The following COX7B2 variants were observed in gnomAD, a reference collection of about 807,000 sequenced individuals.
The protein encoded by COX7B2 is cytochrome c oxidase subunit 7B2, also known as cytochrome c oxidase subunit 7B2, mitochondrial.
For synonymous variants in COX7B2, 37 were observed against 32.1 expected, an observed-to-expected ratio of 1.15 and a Z score of -0.51; for missense variants, 109 against 95.9, an observed-to-expected ratio of 1.14 and a Z score of -0.57.
chr4:46,762,856 G>C (rs1033502930), intron 2 of COX7B2, among the ~76,000 whole-genome samples: 2 of 148,026 alleles, frequency 1.4e-5, no homozygotes, highest in Non-Finnish European at 3.0e-5. Context: ...TTGCAAAGCT[G>C]ACACTAGCAT....
chr4:46,805,186 C>G (rs111704498), intron 2 of COX7B2, among the ~76,000 whole-genome samples: 2 of 152,292 alleles, frequency 1.3e-5, no homozygotes, highest in African/African-American at 4.8e-5. Context: ...CACACCTCCT[C>G]GCAGGCTGAG....
intron 2 of COX7B2, among the ~76,000 whole-genome samples, chr4:46,765,872 C>A (rs1716503189): frequency 6.6e-6 from 1 of 152,150 alleles, no homozygotes; most frequent in Non-Finnish European, 1.5e-5. Context: ...CAGGCCTATC[C>A]CAGTTCCAGG....
At position 46,909,214 on chromosome 4, in the gene COX7B2, C is replaced by T. The variant is rs1054374647; in HGVS notation, c.-159G>A. The T allele has an allele frequency of 1.4e-4, 22 of 152,128 alleles. No homozygotes were observed. Among genetic ancestry groups the T allele is most frequent in the African/African-American group, 4.1e-4 (17 of 41,426 alleles). The allele number at this position is 152,128 out of a possible 1,614,324, so 9.4% of individuals were successfully genotyped here. ...AGACGGCGCAGAGGCAAATTCCGAA[C>T]CTTTCCGTTTTACAGCCTGGAGGGG... On this transcript the variant is annotated 5_prime_UTR_variant, in exon 1 of 3. Transcript: ENST00000355591.
In COX7B2 at chr4:46,806,270, G is replaced by A. The variant is rs1718989278; in HGVS notation, c.-50+38690C>T. Among the ~76,000 whole-genome samples, 3 of 151,292 alleles carry A rather than the reference G, an allele frequency of 2.0e-5. No individual in the cohort carries two copies. The South Asian group carries it at 6.3e-4, about 32-fold the overall frequency. On this transcript the variant is annotated intron_variant, in intron 2 of 2. Transcript: ENST00000355591. Reference sequence around the variant, plus strand: ...TATTTCATATTATATAACCAACAAAGTAAAATGACAATAGGCATAACTTAA... The same window carrying A: ...TATTTCATATTATATAACCAACAAAATAAAATGACAATAGGCATAACTTAA...
intron 1 of COX7B2, among the ~76,000 whole-genome samples, chr4:46,853,659 C>T (rs535142938): frequency 3.8e-4 from 58 of 151,936 alleles, no homozygotes; most frequent in Non-Finnish European, 7.5e-4. Flanking sequence ...TTAGGCTTGT[C>T]TTCTATTGTT....
At chr4:46,826,049 A>C (rs1007278374) in intron 2 of COX7B2, among the ~76,000 whole-genome samples, 6 of 152,214 alleles carry the variant, frequency 3.9e-5, no homozygotes, top group African/African-American at 1.4e-4. Flanking sequence ...TAAACTTAAG[A>C]GCTTCTGCAC....
chr4:46,858,870 C>G (rs1275606632), intron 1 of COX7B2, among the ~76,000 whole-genome samples: 1 of 152,122 alleles, frequency 6.6e-6, no homozygotes, highest in East Asian at 1.9e-4. Flanking sequence ...AGGGATTAAC[C>G]ACTTTTAAAA....
At chr4:46,862,029 G>T (rs1269508608) in intron 1 of COX7B2, among the ~76,000 whole-genome samples, 1 of 152,126 alleles carries the variant, frequency 6.6e-6, no homozygotes, top group African/African-American at 2.4e-5. Context: ...ACAACTCCCT[G>T]AAGCAGCAGA....
At chr4:46,863,111 T>C (rs545826944) in intron 1 of COX7B2, among the ~76,000 whole-genome samples, 4 of 152,168 alleles carry the variant, frequency 2.6e-5, no homozygotes, top group South Asian at 2.1e-4. Context: ...AAGAATAACT[T>C]TGTCTAATTC....
intron 1 of COX7B2, among the ~76,000 whole-genome samples, chr4:46,888,248 C>T (rs764107139): frequency 1.3e-5 from 2 of 152,088 alleles, no homozygotes; most frequent in Non-Finnish European, 2.9e-5. Flanking sequence ...TGCATTCAAC[C>T]GAGACTTCAG....
chr4:46,904,998 C>T (rs1280204445), intron 1 of COX7B2, among the ~76,000 whole-genome samples: 1 of 152,286 alleles, frequency 6.6e-6, no homozygotes, highest in Non-Finnish European at 1.5e-5. Context: ...TTGCCTAAGT[C>T]TACTTCTGCC....
At chr4:46,829,817 A>G (rs1714943341) in intron 2 of COX7B2, among the ~76,000 whole-genome samples, 2 of 152,226 alleles carry the variant, frequency 1.3e-5, no homozygotes, top group Non-Finnish European at 2.9e-5. Context: ...ATAAAATAAC[A>G]GCAAAATTAA....
chr4:46,869,437 G>T (rs1717859732), intron 1 of COX7B2, among the ~76,000 whole-genome samples: 1 of 152,022 alleles, frequency 6.6e-6, no homozygotes, highest in African/African-American at 2.4e-5. Context: ...TATTATGTTG[G>T]CTTATTTGGG....
chr4:46,752,464 G>A (rs1715446530), intron 2 of COX7B2, among the ~76,000 whole-genome samples: 1 of 152,076 alleles, frequency 6.6e-6, no homozygotes, highest in Non-Finnish European at 1.5e-5. Flanking sequence ...TGTTGAATAC[G>A]AGTGGTGAGA....
At chr4:46,893,125 C>T (rs1168978222) in intron 1 of COX7B2, among the ~76,000 whole-genome samples, 2 of 152,140 alleles carry the variant, frequency 1.3e-5, no homozygotes, top group Non-Finnish European at 2.9e-5. Flanking sequence ...AACAGACTAA[C>T]ACATGGATAA....
intron 1 of COX7B2, among the ~76,000 whole-genome samples, chr4:46,875,656 G>A (rs1299237070): frequency 6.6e-6 from 1 of 152,036 alleles, no homozygotes; most frequent in Non-Finnish European, 1.5e-5. Flanking sequence ...TTGGGAAACA[G>A]CATCCCATTT....
At chr4:46,751,262 G>A (rs1056697385) in intron 2 of COX7B2, among the ~76,000 whole-genome samples, 1 of 151,760 alleles carries the variant, frequency 6.6e-6, no homozygotes, top group Non-Finnish European at 1.5e-5. Context: ...TTACTTCAAA[G>A]TGACAAACTA....
intron 2 of COX7B2, among the ~76,000 whole-genome samples, chr4:46,814,410 T>C (rs891954399): frequency 7.9e-5 from 12 of 152,320 alleles, no homozygotes; most frequent in African/African-American, 2.9e-4. Flanking sequence ...ATAATGTGTC[T>C]CTTTAAGTGG....
intron 2 of COX7B2, among the ~76,000 whole-genome samples, chr4:46,765,951 AG>A (rs140827079): frequency 0.011 from 1,666 of 152,148 alleles, 19 homozygotes; most frequent in Middle Eastern, 0.041. Context: ...CTCCAGCACT[AG>A]GATGGTCTCC....
Sources: gnomAD v4.1 joint callset for allele counts (sites outside exome capture counted in the v4.1 genomes callset) on GRCh38, gnomAD v4.1.1 for gene constraint, MANE v1.5 for transcripts, NCBI Gene and HGNC (gene_info 2026-07-23, HGNC 2026-07-21) for gene names.